Variants in DCLK2 observed in about 807,000 individuals in gnomAD.
The protein encoded by DCLK2 is serine/threonine-protein kinase DCLK2.
DCLK2 carries 31 observed loss-of-function variants against 78.4 expected under a neutral mutation model. The observed-to-expected ratio is 0.40, with a 90% CI of 0.30 to 0.53. The LOEUF is 0.53. DCLK2 is among the 20% of genes least tolerant of loss of function. The pLI, the probability that DCLK2 is intolerant of heterozygous loss-of-function variation, is 0.61. For synonymous variants in DCLK2, 407 were observed against 374.9 expected, an observed-to-expected ratio of 1.09 and a Z score of -0.99; for missense variants, 872 against 973.7, an observed-to-expected ratio of 0.90 and a Z score of 1.39.
intron 8 of DCLK2, among the ~76,000 whole-genome samples, chr4:150,229,157 T>C (rs1741848953): frequency 6.6e-6 from 1 of 151,860 alleles, no homozygotes; most frequent in Non-Finnish European, 1.5e-5. Context: ...CCTGGCAATA[T>C]AGTGAGACCC....
chr4:150,253,513 C>T (rs760547610), intron 15 of DCLK2: 1 of 1,289,680 alleles, frequency 7.8e-7, no homozygotes, highest in South Asian at 1.2e-5. Flanking sequence ...GAGTTTCCTT[C>T]TTTACCCCGC....
At chr4:150,202,159 G>A (rs562235546) in intron 4 of DCLK2, among the ~76,000 whole-genome samples, 3 of 152,204 alleles carry the variant, frequency 2.0e-5, no homozygotes, top group Admixed American at 6.5e-5. Context: ...TTACAGTATT[G>A]TACAGTCTCA....
rs150578288 is a variant in DCLK2, at chr4:150,188,777, C to T, written c.757-4361C>T. ...ATAAGCTGGGCATGGTGGCAGTGGG[C>T]GCCTGTAATCCCAGCTACTCGGGAG... is the stretch of plus-strand genomic sequence containing the variant. On this transcript the variant is annotated intron_variant, in intron 2 of 15. Coordinates refer to ENST00000296550, the MANE Select transcript of DCLK2 (RefSeq NM_001040260.4). Among the ~76,000 whole-genome samples, 12 of 151,722 alleles carry T rather than the reference C, an allele frequency of 7.9e-5. No individual in the cohort carries two copies. The East Asian group carries it at 1.8e-3, about 22-fold the overall frequency.
chr4:150,253,813 C>T, intron 15 of DCLK2: 1 of 985,472 alleles, frequency 1.0e-6, no homozygotes, highest in Non-Finnish European at 1.2e-6. Context: ...CATAGTTCTC[C>T]TACCGATGCT....
At chr4:150,124,167 A>G (rs868690621) in intron 2 of DCLK2, among the ~76,000 whole-genome samples, 7 of 152,152 alleles carry the variant, frequency 4.6e-5, no homozygotes, top group Non-Finnish European at 7.3e-5. Context: ...GACTCTCAGC[A>G]CAGTGTTGGA....
intron 1 of DCLK2, among the ~76,000 whole-genome samples, chr4:150,101,012 G>A (rs910555316): frequency 3.9e-5 from 6 of 152,122 alleles, no homozygotes; most frequent in African/African-American, 1.4e-4. Context: ...CAGCACTTTG[G>A]GAGGTCAAGG....
chr4:150,118,776 C>G (rs533962323), intron 2 of DCLK2, among the ~76,000 whole-genome samples: 1 of 152,062 alleles, frequency 6.6e-6, no homozygotes, highest in Non-Finnish European at 1.5e-5. Context: ...AGGTGGGCCT[C>G]CTGGCCAGGC....
At chr4:150,171,341 C>T (rs2150259333) in intron 2 of DCLK2, among the ~76,000 whole-genome samples, 1 of 152,194 alleles carries the variant, frequency 6.6e-6, no homozygotes, top group Non-Finnish European at 1.5e-5. Flanking sequence ...ATTAGCTGGG[C>T]GTGGTAGTGG....
At chr4:150,138,841 T>A (rs748543616) in intron 2 of DCLK2, among the ~76,000 whole-genome samples, 1 of 152,028 alleles carries the variant, frequency 6.6e-6, no homozygotes, top group Admixed American at 6.6e-5. Flanking sequence ...AATTTTTGTA[T>A]TTTTAGTAGA....
chr4:150,237,504 C>T (rs770991503), intron 10 of DCLK2, among the ~76,000 whole-genome samples: 8 of 152,042 alleles, frequency 5.3e-5, no homozygotes, highest in East Asian at 3.9e-4. Context: ...GACTGGAAAA[C>T]GTTATTCAGA....
intron 1 of DCLK2, among the ~76,000 whole-genome samples, chr4:150,101,027 T>C (rs1440872130): frequency 2.0e-5 from 3 of 152,122 alleles, no homozygotes; most frequent in African/African-American, 7.2e-5. Context: ...TCAAGGTGGG[T>C]GACTCGCTTG....
At chr4:150,233,993 C>T (rs1489771955) in intron 10 of DCLK2, among the ~76,000 whole-genome samples, 1 of 152,178 alleles carries the variant, frequency 6.6e-6, no homozygotes, top group East Asian at 1.9e-4. Context: ...CCTTTCAGGG[C>T]TCTCATCCTC....
chr4:150,094,345 T>C (rs943963290), intron 1 of DCLK2, among the ~76,000 whole-genome samples: 1 of 152,194 alleles, frequency 6.6e-6, no homozygotes, highest in Non-Finnish European at 1.5e-5. Flanking sequence ...ATTTTAAATG[T>C]AGAGAGATTA....
At position 150,078,578 on chromosome 4, in the gene DCLK2, C is replaced by T. The variant is rs1728985537; in HGVS notation, c.-450C>T. The T allele has an allele frequency of 6.6e-6, 1 of 151,494 alleles. No homozygotes were observed. Among genetic ancestry groups the T allele is most frequent in the African/African-American group, 2.4e-5 (1 of 41,324 alleles). 9.4% of individuals were successfully genotyped at this position (151,494 alleles called of 1,614,324 possible). ...CGGGGGCCTCTCCCACGCTCCGCGC[C>T]CCGCCCCACCCTTCCTTCCTTCCTC... is the stretch of plus-strand genomic sequence containing the variant. On this transcript the variant is annotated 5_prime_UTR_variant, in exon 1 of 16. Transcript: ENST00000296550.
chr4:150,080,753 T>A (rs1177812532), intron 1 of DCLK2, among the ~76,000 whole-genome samples: 1 of 152,212 alleles, frequency 6.6e-6, no homozygotes, highest in African/African-American at 2.4e-5. Context: ...TGGAGCCACA[T>A]GGAGGAAAAC....
rs542171622 is a variant in DCLK2, at chr4:150,153,366, C to T, written c.757-39772C>T. Among the ~76,000 whole-genome samples, 19 of 152,164 alleles carry T rather than the reference C, an allele frequency of 1.2e-4. 1 individual carries two copies. Among genetic ancestry groups the T allele is most frequent in the African/African-American group, 4.6e-4 (19 of 41,522 alleles). ...ACTGGATTGGAGTAATGCTCCAGGCCTGCCAGCCTTGATCCCTATTTGTGC... is the reference window on the plus strand; with the variant it reads ...ACTGGATTGGAGTAATGCTCCAGGCTTGCCAGCCTTGATCCCTATTTGTGC... On this transcript the variant is annotated intron_variant, in intron 2 of 15. Coordinates refer to ENST00000296550, the MANE Select transcript of DCLK2 (RefSeq NM_001040260.4).
chr4:150,245,100 C>G (rs1743204703), intron 12 of DCLK2, among the ~76,000 whole-genome samples: 1 of 152,206 alleles, frequency 6.6e-6, no homozygotes, highest in Admixed American at 6.5e-5. Context: ...AAGTTTTCCA[C>G]TAAATCTAAT....
intron 10 of DCLK2, among the ~76,000 whole-genome samples, chr4:150,236,982 C>T (rs1000724976): frequency 1.3e-5 from 2 of 152,164 alleles, no homozygotes; most frequent in African/African-American, 4.8e-5. Flanking sequence ...TATCTGACAG[C>T]AACCTCTGAA....
chr4:150,079,599 G>C (rs1251560282), intron 1 of DCLK2, 151 bp downstream of exon 1: 1 of 783,396 alleles, frequency 1.3e-6, no homozygotes, highest in African/African-American at 1.8e-5. Flanking sequence ...GGCTGGGGGT[G>C]GGGGCCGGTG....
Sources: allele counts gnomAD v4.1 joint callset (sites outside exome capture counted in the v4.1 genomes callset), GRCh38; gene constraint gnomAD v4.1.1; transcripts MANE v1.5; gene names NCBI Gene and HGNC (gene_info 2026-07-23, HGNC 2026-07-21).